The following CD36 variants were observed in gnomAD, a reference collection of about 807,000 sequenced individuals.
CD36 encodes platelet glycoprotein 4.
A neutral mutation model predicts 55.2 loss-of-function variants in CD36; 119 were observed. That is an observed-to-expected ratio of 2.15 (90% CI 1.86 to 2.51). CD36 has a LOEUF of 2.51. Ranked by LOEUF, CD36 falls within the 30% of genes most tolerant of loss-of-function variation. CD36 has a pLI of 0.00. For synonymous variants in CD36, 186 were observed against 193.6 expected (o/e 0.96, Z 0.33); for missense variants, 819 against 555.5 (o/e 1.47, Z -4.77).
chr7:80,649,039 A>G (rs1795396516), intron 3 of CD36, among the ~76,000 whole-genome samples: 1 of 152,150 alleles, frequency 6.6e-6, no homozygotes, highest in Non-Finnish European at 1.5e-5. Flanking sequence ...AATACACAAT[A>G]GTCGTCGGTA....
chr7:80,653,599 G>A (rs902197507), intron 3 of CD36, among the ~76,000 whole-genome samples: 2 of 152,156 alleles, frequency 1.3e-5, no homozygotes, highest in African/African-American at 4.8e-5. Flanking sequence ...CATTAGCCAA[G>A]TGAGAAAATC....
At chr7:80,640,433 T>C (rs1794728006) in intron 1 of CD36, among the ~76,000 whole-genome samples, 1 of 151,994 alleles carries the variant, frequency 6.6e-6, no homozygotes, top group Non-Finnish European at 1.5e-5. Flanking sequence ...AATATAAATA[T>C]ATATTATTTT....
intron 13 of CD36, 134 bp from the exon 14 acceptor site, chr7:80,673,849 T>G: frequency 1.4e-6 from 1 of 715,220 alleles, no homozygotes; most frequent in Non-Finnish European, 2.5e-6. Flanking sequence ...CAAAAGGAAT[T>G]CCATTAACTT....
chr7:80,651,258 C>G (rs544101192), intron 3 of CD36, among the ~76,000 whole-genome samples: 1 of 151,826 alleles, frequency 6.6e-6, no homozygotes, highest in Admixed American at 6.6e-5. Flanking sequence ...GGGAGGAGAG[C>G]GGAGGATCAA....
Position 80,670,989 on chromosome 7 carries a change from T to A in CD36, c.831T>A (p.Ala277=), listed in dbSNP as rs767014007. The change falls in exon 10 of 15, where the codon GCT becomes GCA. Residue 277 remains alanine (A), a synonymous_variant. Coordinates refer to ENST00000447544, the MANE Select transcript of CD36 (RefSeq NM_001001548.3). ...FSSDICRSIY[A]VFESDVNLKG... ...TCTCTGTATTTAGGTCAATCTATGCTGTATTTGAATCCGACGTTAATCTGA... is the reference window on the plus strand; with the variant it reads ...TCTCTGTATTTAGGTCAATCTATGCAGTATTTGAATCCGACGTTAATCTGA... 1.9e-6 allele frequency: 3 copies of A among 1,612,410 alleles called. No homozygotes were observed. In the Admixed American group the frequency reaches 5.0e-5, roughly 27 times the overall value.
At chr7:80,619,394 A>G (rs1198080854) in intron 1 of CD36, among the ~76,000 whole-genome samples, 1 of 152,096 alleles carries the variant, frequency 6.6e-6, no homozygotes, top group African/African-American at 2.4e-5. Context: ...GACTTTCAAG[A>G]CTTATTACTT....
intron 5 of CD36, 44 bp downstream of exon 5, chr7:80,661,254 G>C: frequency 6.5e-7 from 1 of 1,546,524 alleles, no homozygotes; most frequent in African/African-American, 1.4e-5. Flanking sequence ...AAATACTCTA[G>C]AACTCATGTA....
In CD36 at chr7:80,671,978, G is replaced by T. The variant is rs151044699; in HGVS notation, c.1063G>T (p.Glu355Ter). Reference protein sequence around the residue: ...HFLYASPDVSEPIDGLNPNEE... With the variant: ...HFLYASPDVS ...TCTGTATGCAAGTCCTGATGTTTCA[G>T]AACCTATTGATGGATTAAACCCAAA... The change falls in exon 11 of 15, where the codon GAA (glutamate) becomes TAA (stop). Residue 355 changes from glutamate to a stop codon, truncating the protein, a stop_gained. Coordinates refer to ENST00000447544, the MANE Select transcript of CD36 (RefSeq NM_001001548.3). LOFTEE classifies it high-confidence loss of function. The T allele has an allele frequency of 6.2e-6, 10 of 1,610,138 alleles. No individual in the cohort carries two copies. Among genetic ancestry groups the T allele is most frequent in the Middle Eastern group, 1.7e-4 (1 of 5,960 alleles).
At chr7:80,615,816 A>C (rs1793118601) in intron 1 of CD36, among the ~76,000 whole-genome samples, 1 of 152,180 alleles carries the variant, frequency 6.6e-6, no homozygotes, top group Non-Finnish European at 1.5e-5. Context: ...TAATAGTCTT[A>C]CCAAAACAAA....
In CD36 at chr7:80,669,992, T is replaced by A. The variant is rs775627425; in HGVS notation, c.788T>A (p.Val263Glu). Residue 263 changes from valine (V) to glutamate (E), a missense_variant, in exon 9 of 15, where the codon GTA becomes GAA. Val to Glu is a moderately radical substitution (Grantham distance 121). Transcript: ENST00000447544. ...SFPPFVEKSQVLQFFSSDICR... is the reference protein window; with the variant it reads ...SFPPFVEKSQELQFFSSDICR... Reference sequence around the variant, plus strand: ...CCACCTTTTGTTGAGAAAAGCCAGGTATTGCAGTTCTTTTCTTCTGATATT... The same window carrying A: ...CCACCTTTTGTTGAGAAAAGCCAGGAATTGCAGTTCTTTTCTTCTGATATT... 6.8e-6 allele frequency: 11 copies of A among 1,611,616 alleles called. No individual in the cohort carries two copies. Among genetic ancestry groups the A allele is most frequent in the Non-Finnish European group, 8.5e-6 (10 of 1,178,070 alleles).
intron 1 of CD36, among the ~76,000 whole-genome samples, chr7:80,633,593 T>TA (rs1338713901): frequency 1.3e-5 from 2 of 151,864 alleles, no homozygotes; most frequent in African/African-American, 4.8e-5. Flanking sequence ...ATATTCAAAT[T>TA]ACATAGATAT....
intron 1 of CD36, among the ~76,000 whole-genome samples, chr7:80,602,956 T>G (rs928052742): frequency 2.6e-5 from 4 of 152,154 alleles, no homozygotes; most frequent in Non-Finnish European, 5.9e-5. Flanking sequence ...AGACCAATCT[T>G]AACAATTTGA....
intron 4 of CD36, among the ~76,000 whole-genome samples, chr7:80,657,277 A>T (rs1796166296): frequency 6.6e-6 from 1 of 151,710 alleles, no homozygotes; most frequent in African/African-American, 2.4e-5. Flanking sequence ...TGATTTGAAT[A>T]CACAATTTTG....
intron 3 of CD36, chr7:80,647,150 TC>T: frequency 2.8e-6 from 1 of 351,452 alleles, no homozygotes; most frequent in South Asian, 2.6e-5. Context: ...TTAAGTTATG[TC>T]CAAAGAGCAT....
chr7:80,646,926 G>A, intron 3 of CD36, 66 bp downstream of exon 3: 1 of 1,554,412 alleles, frequency 6.4e-7, no homozygotes, highest in Non-Finnish European at 8.9e-7. Context: ...TTTTTGCTTT[G>A]TATTTACCTG....
chr7:80,631,931 T>A (rs1794094077), intron 1 of CD36, among the ~76,000 whole-genome samples: 1 of 151,924 alleles, frequency 6.6e-6, no homozygotes, highest in Admixed American at 6.6e-5. Context: ...GTGTAAGATG[T>A]TCCCACTGTT....
At position 80,656,607 on chromosome 7, in the gene CD36, G is replaced by C; in HGVS notation, c.188G>C (p.Arg63Thr). 5 of 1,613,778 alleles carry C rather than the reference G, an allele frequency of 3.1e-6. No homozygotes were observed. Among genetic ancestry groups the C allele is most frequent in the Non-Finnish European group, 4.2e-6 (5 of 1,179,796 alleles). ...NWVKTGTEVY[R>T]QFWIFDVQNP... Reference sequence around the variant, plus strand: ...GTTAAAACAGGCACAGAAGTTTACAGACAGTTTTGGATCTTTGATGTGCAA... The same window carrying C: ...GTTAAAACAGGCACAGAAGTTTACACACAGTTTTGGATCTTTGATGTGCAA... Residue 63 changes from arginine to threonine, a missense_variant, in exon 4 of 15, where the codon AGA becomes ACA. Transcript: ENST00000447544.
Position 80,638,665 on chromosome 7 carries a change from T to G in CD36, c.-265T>G, listed in dbSNP as rs1333633832. ...TGAGGACTGCAGTGTAGGACTTTCC[T>G]GCAGAATACCATTTGATCCTATTAA... On this transcript the variant is annotated 5_prime_UTR_variant, in exon 1 of 15. Transcript: ENST00000447544. The G allele has an allele frequency of 6.6e-6, 1 of 151,932 alleles. No individual in the cohort carries two copies. The highest frequency in any genetic ancestry group is 1.5e-5 in the Non-Finnish European group (1 of 67,936). 9.4% of individuals were successfully genotyped at this position (151,932 alleles called of 1,614,324 possible).
Position 80,672,056 on chromosome 7 carries a change from ATTGATCTGAT to A in CD36, c.1125+20_1125+29del, listed in dbSNP as rs1797734159. On this transcript the variant is annotated intron_variant, in intron 11 of 14. Coordinates refer to ENST00000447544, the MANE Select transcript of CD36 (RefSeq NM_001001548.3). ...TATTGAACCTGTAAGAAAACACCTT[ATTGATCTGAT>A]TTGGTTGATATTTTTAAAAATACAA... 5 of 1,582,428 alleles carry A rather than the reference ATTGATCTGAT, an allele frequency of 3.2e-6. No individual in the cohort carries two copies. Among genetic ancestry groups the A allele is most frequent in the Non-Finnish European group, 4.3e-6 (5 of 1,154,064 alleles).
Sources: gnomAD v4.1 joint callset for allele counts (sites outside exome capture counted in the v4.1 genomes callset) on GRCh38, gnomAD v4.1.1 for gene constraint, MANE v1.5 for transcripts, NCBI Gene and HGNC (gene_info 2026-07-23, HGNC 2026-07-21) for gene names.